CNTN1: variants seen among roughly 807,000 people sequenced by gnomAD.
CNTN1 encodes the protein contactin-1.
In CNTN1, 38 loss-of-function variants were observed where a neutral mutation model predicts 126.4. The ratio of observed to expected loss-of-function variants is 0.30; its 90% CI spans 0.23 to 0.39. The LOEUF (loss-of-function observed/expected upper bound fraction) is 0.39. Ranked by LOEUF, CNTN1 falls within the 10% of genes least tolerant of loss-of-function variation. CNTN1 has a pLI of 1.00. For missense variants in CNTN1, 1,009 were observed against 1,248.4 expected (o/e 0.81, Z 2.89); for synonymous variants, 413 against 422.6 (o/e 0.98, Z 0.28).
At chr12:40,951,537 G>A (rs1026633111) in intron 14 of CNTN1, among the ~76,000 whole-genome samples, 2 of 151,438 alleles carry the variant, frequency 1.3e-5, no homozygotes, top group Non-Finnish European at 2.9e-5. Context: ...TGTTATGTGT[G>A]AAAATGGTTT....
At chr12:41,037,653 G>A (rs1342358934) in intron 23 of CNTN1, among the ~76,000 whole-genome samples, 1 of 142,202 alleles carries the variant, frequency 7.0e-6, no homozygotes, top group Non-Finnish European at 1.5e-5. Flanking sequence ...AAAGGGGTTT[G>A]TGTGTTTAAT....
At chr12:40,715,548 T>C (rs1942028138) in intron 1 of CNTN1, among the ~76,000 whole-genome samples, 1 of 152,166 alleles carries the variant, frequency 6.6e-6, no homozygotes, top group South Asian at 2.1e-4. Flanking sequence ...CAGGGCTTGA[T>C]TTGATTCCCC....
At chr12:41,057,132 T>C (rs1047229437) in intron 23 of CNTN1, among the ~76,000 whole-genome samples, 2 of 143,978 alleles carry the variant, frequency 1.4e-5, no homozygotes, top group African/African-American at 5.0e-5. Flanking sequence ...TAGATATTTA[T>C]AAATATTATA....
At chr12:40,901,310 A>G (rs953564397) in intron 1 of CNTN1, among the ~76,000 whole-genome samples, 3 of 152,226 alleles carry the variant, frequency 2.0e-5, no homozygotes, top group African/African-American at 4.8e-5. Context: ...ATATTCAAAA[A>G]TTAGCATATT....
In CNTN1 at chr12:40,702,173, C is replaced by T. The variant is rs559591029; in HGVS notation, c.-77+9581C>T. Among the ~76,000 whole-genome samples, 2 of 151,756 alleles carry T rather than the reference C, an allele frequency of 1.3e-5. 1 individual carries two copies. The highest frequency in any genetic ancestry group is 4.8e-5 in the African/African-American group (2 of 41,394). ...CTGTTCTCGGACTCCTGGTCTCAAA[C>T]GATCCTCCCTGCTCAGCCTCCCAGA... On this transcript the variant is annotated intron_variant, in intron 1 of 23. Coordinates refer to ENST00000551295, the MANE Select transcript of CNTN1 (RefSeq NM_001843.4).
chr12:40,971,983 G>T, intron 15 of CNTN1: 2 of 1,000,316 alleles, frequency 2.0e-6, no homozygotes, highest in Non-Finnish European at 2.4e-6. Flanking sequence ...GCATTACTCC[G>T]GCAGTCTTTT....
chr12:40,749,550 T>TGAAGCGGTGTGAGGGGGAGAGC (rs1406482536), intron 1 of CNTN1, among the ~76,000 whole-genome samples: 4 of 96,494 alleles, frequency 4.1e-5, no homozygotes, highest in East Asian at 2.6e-4. Flanking sequence ...TAGGGTGAGG[T>TGAAGCGGTGTGAGGGGGAGAGC]CATAAAGAAA....
intron 1 of CNTN1, among the ~76,000 whole-genome samples, chr12:40,745,491 A>G (rs1371554838): frequency 6.6e-6 from 1 of 152,140 alleles, no homozygotes; most frequent in Non-Finnish European, 1.5e-5. Context: ...TGGTTGAAAG[A>G]GTTTATCTAA....
chr12:40,753,295 T>C (rs1938473376), intron 1 of CNTN1, among the ~76,000 whole-genome samples: 1 of 152,148 alleles, frequency 6.6e-6, no homozygotes, highest in South Asian at 2.1e-4. Context: ...AGGAAAATGC[T>C]GAAGAAAATT....
In CNTN1 at chr12:40,948,258, C is replaced by T. The variant is rs141755298; in HGVS notation, c.1683+4088C>T. Among the ~76,000 whole-genome samples the T allele has an allele frequency of 3.4e-3, 216 of 62,732 alleles. 2 individuals are homozygous for T. Among genetic ancestry groups the T allele is most frequent in the Middle Eastern group, 0.017 (1 of 60 alleles). 41.2% of individuals were successfully genotyped at this position (62,732 alleles called of 152,430 possible). A position where few individuals can be genotyped will look rare whatever the true frequency, so the allele number is the denominator to read the frequency against. The stretch of plus-strand genomic sequence containing the variant: ...TTTGCTAGCTAGTTTTTCTTTCTTT[C>T]TTTTTTTTTTTTTTTTTTTTTTTGA... On this transcript the variant is annotated intron_variant, in intron 14 of 23. Transcript: ENST00000551295.
At position 41,026,775 on chromosome 12, in the gene CNTN1, T is replaced by C. The variant is rs1949046182; in HGVS notation, c.2711-1082T>C. Among the ~76,000 whole-genome samples the C allele has an allele frequency of 3.3e-5, 5 of 152,292 alleles. No homozygotes were observed. In the South Asian group the frequency reaches 1.0e-3, roughly 32 times the overall value. ...AAAACAGAGAGTGATATCTAATTTA[T>C]GATGTTGTTTTTAAAAAAGTCATTC... On this transcript the variant is annotated intron_variant, in intron 21 of 23. Transcript: ENST00000551295.
intron 1 of CNTN1, among the ~76,000 whole-genome samples, chr12:40,717,922 G>C (rs1942089598): frequency 6.6e-6 from 1 of 152,042 alleles, no homozygotes; most frequent in Non-Finnish European, 1.5e-5. Context: ...AGACTTTTTT[G>C]TAAATAGGTT....
intron 1 of CNTN1, among the ~76,000 whole-genome samples, chr12:40,827,842 A>G (rs973610860): frequency 2.0e-5 from 3 of 152,168 alleles, no homozygotes; most frequent in African/African-American, 7.2e-5. Context: ...AACAGCGACT[A>G]CAGGAAGAGC....
chr12:40,984,369 G>A (rs992351885), intron 16 of CNTN1, among the ~76,000 whole-genome samples: 2 of 152,124 alleles, frequency 1.3e-5, no homozygotes, highest in Admixed American at 6.6e-5. Flanking sequence ...TGAAAGAAAA[G>A]AGTTTTATTT....
At chr12:40,826,303 C>T (rs1166444651) in intron 1 of CNTN1, among the ~76,000 whole-genome samples, 4 of 151,994 alleles carry the variant, frequency 2.6e-5, no homozygotes, top group Non-Finnish European at 5.9e-5. Context: ...TTCAAAAAGT[C>T]TGAGGCCTTT....
intron 1 of CNTN1, among the ~76,000 whole-genome samples, chr12:40,813,048 T>TTTCTTTCTTTCTTTCTTTCTTTCTTTCC (rs1941132854): frequency 7.7e-6 from 1 of 129,882 alleles, no homozygotes; most frequent in Non-Finnish European, 1.7e-5. Context: ...CCTTTCTTTC[T>TTTCTTTCTTTCTTTCTTTCTTTCTTTCC]TTCTTTCTTT....
intron 15 of CNTN1, 143 bp downstream of exon 15, chr12:40,959,377 C>G (rs1278935748): frequency 2.3e-6 from 2 of 887,146 alleles, no homozygotes; most frequent in Non-Finnish European, 3.6e-6. Context: ...TAAGCTTCTT[C>G]CCATGCCTAA....
At chr12:40,998,063 G>C (rs1489626530) in intron 17 of CNTN1, among the ~76,000 whole-genome samples, 1 of 151,634 alleles carries the variant, frequency 6.6e-6, no homozygotes, top group Non-Finnish European at 1.5e-5. Flanking sequence ...AGTTAATTGA[G>C]GATGATGAAA....
At chr12:40,819,736 C>A (rs1941384816) in intron 1 of CNTN1, among the ~76,000 whole-genome samples, 1 of 152,210 alleles carries the variant, frequency 6.6e-6, no homozygotes, top group South Asian at 2.1e-4. Context: ...TAAGCAGATT[C>A]CAGCTGAGAG....
Sources: allele counts gnomAD v4.1 joint callset (sites outside exome capture counted in the v4.1 genomes callset), GRCh38; gene constraint gnomAD v4.1.1; transcripts MANE v1.5; gene names NCBI Gene and HGNC (gene_info 2026-07-23, HGNC 2026-07-21).